Variants in C2CD3 observed in about 807,000 individuals in gnomAD.
C2CD3 encodes the protein C2 domain containing 3 centriole elongation regulator.
Under a neutral mutation model 234.0 loss-of-function variants are expected in C2CD3, and 148 were observed. The ratio of observed to expected loss-of-function variants is 0.63; its 90% CI spans 0.55 to 0.72. The LOEUF (loss-of-function observed/expected upper bound fraction) is 0.72, where lower values mean the gene tolerates loss of function less well. Ranked by LOEUF, C2CD3 falls within the 30% of genes least tolerant of loss-of-function variation. C2CD3 has a pLI of 0.00. For missense variants in C2CD3, 2,577 were observed against 2,811.5 expected (o/e 0.92, Z 1.89); for synonymous variants, 1,000 against 1,035.4 (o/e 0.97, Z 0.66).
Position 74,035,293 on chromosome 11 carries a change from T to G in C2CD3, c.5882-1015A>C, listed in dbSNP as rs150129834. Among the ~76,000 whole-genome samples the G allele has an allele frequency of 2.6e-4, 40 of 152,360 alleles. No homozygotes were observed. The East Asian group carries it at 6.6e-3, about 25-fold the overall frequency. On this transcript the variant is annotated intron_variant, in intron 30 of 32. Coordinates refer to ENST00000334126, the MANE Select transcript of C2CD3 (RefSeq NM_001286577.2). Reference sequence around the variant, plus strand: ...ATAGGCATGGGGAAGCATGTTTAGTTAATCCTAATCCTTTGGCCTGAACAT... The same window carrying G: ...ATAGGCATGGGGAAGCATGTTTAGTGAATCCTAATCCTTTGGCCTGAACAT...
chr11:74,095,744 T>C (rs533326020), intron 16 of C2CD3, among the ~76,000 whole-genome samples: 203 of 152,306 alleles, frequency 1.3e-3, no homozygotes, highest in Non-Finnish European at 2.5e-3. Context: ...ATACTAAGAA[T>C]AGAAGGCTGT....
intron 26 of C2CD3, among the ~76,000 whole-genome samples, chr11:74,051,619 G>C (rs533902323): frequency 1.3e-5 from 2 of 152,096 alleles, no homozygotes; most frequent in African/African-American, 2.4e-5. Context: ...TTGAAACTTT[G>C]TATTTGTTTT....
At chr11:74,112,802 T>G (rs1956790036) in intron 11 of C2CD3, among the ~76,000 whole-genome samples, 1 of 152,188 alleles carries the variant, frequency 6.6e-6, no homozygotes, top group African/African-American at 2.4e-5. Context: ...AAGTAACAAG[T>G]GTTGACGAGG....
chr11:74,045,264 C>T (rs1953305242), intron 28 of C2CD3, among the ~76,000 whole-genome samples: 1 of 152,154 alleles, frequency 6.6e-6, no homozygotes, highest in Admixed American at 6.5e-5. Flanking sequence ...CAATTCAATT[C>T]CACTGATTTA....
At chr11:74,086,034 C>G in intron 20 of C2CD3, 148 bp from the exon 21 acceptor site, 2 of 773,048 alleles carry the variant, frequency 2.6e-6, no homozygotes, top group Non-Finnish European at 4.0e-6. Context: ...GGCAGTGCCA[C>G]AATGGGCTTT....
At chr11:74,038,451 G>A (rs1952851674) in intron 29 of C2CD3, among the ~76,000 whole-genome samples, 1 of 152,140 alleles carries the variant, frequency 6.6e-6, no homozygotes, top group South Asian at 2.1e-4. Flanking sequence ...CTAATCATAT[G>A]AGATCAGTAA....
Position 74,034,196 on chromosome 11 carries a change from G to T in C2CD3, c.5964C>A (p.Leu1988=). 1.3e-6 allele frequency: 2 copies of T among 1,536,254 alleles called. No individual in the cohort carries two copies. Among genetic ancestry groups the T allele is most frequent in the Non-Finnish European group, 1.7e-6 (2 of 1,146,930 alleles). ...GTGCTTCTGTGTCCTGAGCATCTGG[G>T]AGGGTGGTGGCCTTGTTGCTTCTAC... ...ARSRSNKATT[L]PDAQDTEALQ... is the part of the protein sequence containing the mutation. The change falls in exon 31 of 33, where the codon CTC becomes CTA. Residue 1988 remains leucine, a synonymous_variant. Transcript: ENST00000334126.
intron 22 of C2CD3, among the ~76,000 whole-genome samples, chr11:74,084,235 C>T (rs951387365): frequency 1.3e-5 from 2 of 151,972 alleles, no homozygotes; most frequent in African/African-American, 2.4e-5. Context: ...TAGGTGGGAA[C>T]TGAACAATGA....
chr11:74,030,869 T>G (rs1952496884), intron 31 of C2CD3, among the ~76,000 whole-genome samples: 1 of 152,186 alleles, frequency 6.6e-6, no homozygotes, highest in South Asian at 2.1e-4. Context: ...CCGGGTAACT[T>G]GTGACAGAAA....
chr11:74,097,783 G>A (rs1956164418), intron 16 of C2CD3, among the ~76,000 whole-genome samples: 1 of 152,102 alleles, frequency 6.6e-6, no homozygotes. Context: ...TTGTTCGATT[G>A]GATTTTCTTT....
Position 74,109,099 on chromosome 11 carries a change from T to C in C2CD3, c.1897A>G (p.Ile633Val), listed in dbSNP as rs1956645713. Residue 633 changes from isoleucine to valine, a missense_variant, in exon 12 of 33, where the codon ATA becomes GTA. Physicochemically the swap from Ile to Val is conservative, Grantham distance 29. Transcript: ENST00000334126. ...AGGTTGGAATTCCACCAGTGCTCTA[T>C]CATTGGGCCACCAAACTGTACTGGA... ...VFPVQFGGPM[I>V]EHWWNSNLTF... 1.2e-6 allele frequency: 2 copies of C among 1,603,644 alleles called. No homozygotes were observed. Among genetic ancestry groups the C allele is most frequent in the Middle Eastern group, 1.7e-4 (1 of 6,036 alleles).
intron 2 of C2CD3, among the ~76,000 whole-genome samples, chr11:74,166,032 C>T (rs546490497): frequency 1.3e-5 from 2 of 152,144 alleles, no homozygotes; most frequent in East Asian, 1.9e-4. Flanking sequence ...TCATGTCGGC[C>T]GGGTGCGGTG....
intron 7 of C2CD3, among the ~76,000 whole-genome samples, chr11:74,131,821 C>T (rs1025560553): frequency 6.6e-6 from 1 of 152,146 alleles, no homozygotes; most frequent in African/African-American, 2.4e-5. Context: ...ATCCGCCCAC[C>T]TTGGCCTCCC....
At position 74,042,110 on chromosome 11, in the gene C2CD3, A is replaced by C. The variant is rs139715233; in HGVS notation, c.5604T>G (p.Asp1868Glu). The change falls in exon 29 of 33, where the codon GAT becomes GAG. Residue 1868 changes from aspartate (D) to glutamate (E), a missense_variant. By Grantham distance (45) the Asp-to-Glu change is conservative. Transcript: ENST00000334126. ...HLQGEAPLPC[D>E]DKLTTSPLSS... is the part of the protein sequence containing the mutation. ...ACAAAGGTGATGTGGTCAGTTTGTC[A>C]TCACATGGCAAGGGTGCCTCTCCCT... 3.3e-5 allele frequency: 54 copies of C among 1,614,038 alleles called. No homozygotes were observed. The highest frequency in any genetic ancestry group is 4.2e-5 in the Non-Finnish European group (50 of 1,180,008).
intron 30 of C2CD3, chr11:74,036,159 C>T (rs1451642082): frequency 3.9e-6 from 1 of 259,556 alleles, no homozygotes; most frequent in Non-Finnish European, 7.7e-6. Context: ...CGTGCCTGGC[C>T]ACAATTCCCT....
intron 29 of C2CD3, among the ~76,000 whole-genome samples, chr11:74,040,858 G>A (rs990429092): frequency 3.3e-5 from 5 of 151,764 alleles, no homozygotes; most frequent in East Asian, 1.9e-4. Flanking sequence ...CCAGGTGTTC[G>A]AGCCCAGCCT....
intron 32 of C2CD3, among the ~76,000 whole-genome samples, chr11:74,017,436 A>G (rs1043325789): frequency 1.3e-5 from 2 of 152,204 alleles, no homozygotes; most frequent in African/African-American, 4.8e-5. Context: ...GGCCTCTCTG[A>G]TAATAGATGT....
intron 25 of C2CD3, among the ~76,000 whole-genome samples, chr11:74,056,525 C>A (rs1019855696): frequency 6.6e-6 from 1 of 152,168 alleles, no homozygotes; most frequent in Non-Finnish European, 1.5e-5. Flanking sequence ...TTGGACCTAA[C>A]AATGACCTTA....
chr11:74,129,056 T>A (rs547970960), intron 7 of C2CD3: 1 of 223,526 alleles, frequency 4.5e-6, no homozygotes, highest in Non-Finnish European at 8.8e-6. Context: ...CAATGAGCTG[T>A]TGGGTACACC....
Sources: allele counts gnomAD v4.1 joint callset (sites outside exome capture counted in the v4.1 genomes callset), GRCh38; gene constraint gnomAD v4.1.1; transcripts MANE v1.5; gene names NCBI Gene and HGNC (gene_info 2026-07-23, HGNC 2026-07-21).